SYT11: variants seen among roughly 807,000 people sequenced by gnomAD.
SYT11 encodes the protein synaptotagmin 11, also known as synaptotagmin-11.
A neutral mutation model predicts 30.4 loss-of-function variants in SYT11; 12 were observed. That is an observed-to-expected ratio of 0.39 (90% CI 0.25 to 0.64). The LOEUF is 0.64. SYT11 is among the 30% of genes least tolerant of loss of function. The pLI is 0.45. For missense variants in SYT11, 412 were observed against 552.0 expected, an observed-to-expected ratio of 0.75 and a Z score of 2.54; for synonymous variants, 204 against 216.0, an observed-to-expected ratio of 0.94 and a Z score of 0.49.
chr1:155,863,413 A>G (rs537549953), intron 1 of SYT11, among the ~76,000 whole-genome samples: 1 of 152,014 alleles, frequency 6.6e-6, no homozygotes, highest in South Asian at 2.1e-4. Context: ...TGATTGCACC[A>G]CTGCACTCCA....
intron 2 of SYT11, among the ~76,000 whole-genome samples, chr1:155,870,551 T>C (rs1176629587): frequency 6.6e-6 from 1 of 152,212 alleles, no homozygotes; most frequent in Non-Finnish European, 1.5e-5. Flanking sequence ...CAGAAAGAGC[T>C]CTGCCTGTGG....
At position 155,884,865 on chromosome 1, in the gene SYT11, CA is replaced by C. The variant is rs1260300790; in HGVS notation, c.*3358del. Reference sequence around the variant, plus strand: ...AAACAGATAGAACTGGTTTGTGGGACAGGGGCAGCTTGCTCAGGAGAGGGAA... The same window carrying C: ...AAACAGATAGAACTGGTTTGTGGGACGGGGCAGCTTGCTCAGGAGAGGGAA... On this transcript the variant is annotated 3_prime_UTR_variant, in exon 4 of 4. Transcript: ENST00000368324. 2 of 152,718 alleles carry C rather than the reference CA, an allele frequency of 1.3e-5. No homozygotes were observed. Among genetic ancestry groups the C allele is most frequent in the Non-Finnish European group, 2.9e-5 (2 of 68,042 alleles). The allele number at this position is 152,718 out of a possible 1,614,324, so 9.5% of individuals were successfully genotyped here.
intron 1 of SYT11, among the ~76,000 whole-genome samples, chr1:155,861,845 C>A (rs991169932): frequency 6.6e-5 from 10 of 152,108 alleles, no homozygotes; most frequent in Non-Finnish European, 1.5e-5. Context: ...CTTGAACTCC[C>A]GACCTCAGGT....
chr1:155,867,165 C>A (rs1240341494), intron 1 of SYT11, among the ~76,000 whole-genome samples: 1 of 151,800 alleles, frequency 6.6e-6, no homozygotes, highest in Non-Finnish European at 1.5e-5. Flanking sequence ...TCAAGCGATT[C>A]TCCTGCATCA....
rs1355633081 is a variant in SYT11, at chr1:155,881,291, A to T, written c.1079A>T (p.Asn360Ile). 6.2e-7 allele frequency: 1 copy of T among 1,614,082 alleles called. No homozygotes were observed. The highest frequency in any genetic ancestry group is 8.5e-7 in the Non-Finnish European group (1 of 1,180,032). ...VKKCTLNPIF[N>I]ESFIYDIPTD... ...AAGTGCACTTTGAACCCCATCTTCA[A>T]TGAATCTTTCATCTACGACATCCCC... The change falls in exon 4 of 4, where the codon AAT (asparagine) becomes ATT (isoleucine). Residue 360 changes from asparagine to isoleucine, a missense_variant. By Grantham distance (149) the Asn-to-Ile change is moderately radical. Transcript: ENST00000368324.
At chr1:155,869,187 A>G (rs1420614837) in intron 2 of SYT11, among the ~76,000 whole-genome samples, 1 of 152,050 alleles carries the variant, frequency 6.6e-6, no homozygotes. Context: ...AAGCTATGAC[A>G]ATAATTCAGT....
Position 155,860,151 on chromosome 1 carries a change from C to A in SYT11, c.34+356C>A, listed in dbSNP as rs929532363. Among the ~76,000 whole-genome samples, 1 of 152,250 alleles carries A rather than the reference C, an allele frequency of 6.6e-6. No individual in the cohort carries two copies. The highest frequency in any genetic ancestry group is 1.5e-5 in the Non-Finnish European group (1 of 68,040). On this transcript the variant is annotated intron_variant, in intron 1 of 3. Transcript: ENST00000368324. The surrounding 1 kb of genome is among the most constrained non-coding windows in gnomAD (Gnocchi z 4.1). The stretch of plus-strand genomic sequence containing the variant: ...GAGGTGGGGTAGGCCAAGCCCTCCC[C>A]CTTGGGGCACACAGGGCGGTGCCCC...
At chr1:155,869,361 C>T (rs1672746905) in intron 2 of SYT11, among the ~76,000 whole-genome samples, 1 of 150,808 alleles carries the variant, frequency 6.6e-6, no homozygotes, top group Non-Finnish European at 1.5e-5. Context: ...ACCCCCACCG[C>T]CCAGGTTCAA....
chr1:155,863,185 G>A (rs1672619056), intron 1 of SYT11, among the ~76,000 whole-genome samples: 1 of 152,144 alleles, frequency 6.6e-6, no homozygotes, highest in Admixed American at 6.6e-5. Flanking sequence ...CCCGGGTACA[G>A]TGGGTCGTGC....
In SYT11 at chr1:155,882,478, A is replaced by T. The variant is rs1207522706; in HGVS notation, c.*970A>T. ...TGAGAAATGGGGTATTTTTGCTATC[A>T]GCTCTTCTGCTATGAAGTAGTAAAA... On this transcript the variant is annotated 3_prime_UTR_variant, in exon 4 of 4. Transcript: ENST00000368324. The T allele has an allele frequency of 6.6e-6, 1 of 152,358 alleles. No individual in the cohort carries two copies. Among genetic ancestry groups the T allele is most frequent in the Non-Finnish European group, 1.5e-5 (1 of 68,048 alleles). The allele number at this position is 152,358 out of a possible 1,614,324, so 9.4% of individuals were successfully genotyped here. A position where few individuals can be genotyped will look rare whatever the true frequency, so the allele number is the denominator to read the frequency against.
chr1:155,867,248 G>A (rs946028385), intron 1 of SYT11, among the ~76,000 whole-genome samples: 6 of 151,848 alleles, frequency 4.0e-5, no homozygotes, highest in African/African-American at 4.8e-5. Flanking sequence ...TAGTAGAGAC[G>A]GGGTTTCACC....
intron 1 of SYT11, among the ~76,000 whole-genome samples, chr1:155,866,594 T>C (rs1025963097): frequency 3.3e-5 from 5 of 152,174 alleles, no homozygotes; most frequent in Non-Finnish European, 5.9e-5. Flanking sequence ...TTCTTACATA[T>C]TTGTGTATGT....
At chr1:155,869,477 A>G (rs1672748736) in intron 2 of SYT11, among the ~76,000 whole-genome samples, 1 of 151,952 alleles carries the variant, frequency 6.6e-6, no homozygotes, top group African/African-American at 2.4e-5. Context: ...TCACCATGTT[A>G]GCCTGGCTAG....
At chr1:155,867,257 C>T (rs1008176127) in intron 1 of SYT11, among the ~76,000 whole-genome samples, 2 of 152,090 alleles carry the variant, frequency 1.3e-5, no homozygotes, top group African/African-American at 2.4e-5. Flanking sequence ...CGGGGTTTCA[C>T]CATGTTGGTC....
chr1:155,880,332 CCTT>C (rs1672940071), intron 2 of SYT11, among the ~76,000 whole-genome samples, 165 bp from the exon 3 acceptor site: 1 of 152,198 alleles, frequency 6.6e-6, no homozygotes, highest in Non-Finnish European at 1.5e-5. Context: ...CTTTCTCCCT[CCTT>C]GTTAAATAAA....
chr1:155,864,116 T>C (rs2102554406), intron 1 of SYT11, among the ~76,000 whole-genome samples: 1 of 152,032 alleles, frequency 6.6e-6, no homozygotes, highest in South Asian at 2.1e-4. Flanking sequence ...CCAGGTGTGA[T>C]GGCATGTGCC....
rs1340954230 is a variant in SYT11, at chr1:155,860,886, A to AATT, written c.34+1092_34+1094dup. 1.3e-5 allele frequency among the ~76,000 whole-genome samples: 2 copies of AATT among 152,146 alleles called. No individual in the cohort carries two copies. Among genetic ancestry groups the AATT allele is most frequent in the Non-Finnish European group, 2.9e-5 (2 of 68,018 alleles). Reference sequence around the variant, plus strand: ...TTTCCTGATCAAATAAATAAAATATAATTGCCCTGCTTCTCCTTGATTCAG... The same window carrying AATT: ...TTTCCTGATCAAATAAATAAAATATAATTATTGCCCTGCTTCTCCTTGATTCAG... On this transcript the variant is annotated intron_variant, in intron 1 of 3. Coordinates refer to ENST00000368324, the MANE Select transcript of SYT11 (RefSeq NM_152280.5). The surrounding 1 kb of genome is among the most constrained non-coding windows in gnomAD (Gnocchi z 4.1).
chr1:155,867,497 C>G (rs77981331), intron 1 of SYT11, among the ~76,000 whole-genome samples: 93 of 152,292 alleles, frequency 6.1e-4, no homozygotes, highest in South Asian at 2.9e-3. Flanking sequence ...ATCTCCACAC[C>G]CTTCCACCCT....
At chr1:155,873,610 G>A (rs912227958) in intron 2 of SYT11, among the ~76,000 whole-genome samples, 2 of 152,154 alleles carry the variant, frequency 1.3e-5, no homozygotes, top group Non-Finnish European at 2.9e-5. Flanking sequence ...GACGGGAGCA[G>A]TAGCCAAAAC....
Sources: allele counts gnomAD v4.1 joint callset (sites outside exome capture counted in the v4.1 genomes callset), GRCh38; gene constraint gnomAD v4.1.1; non-coding constraint Gnocchi (gnomAD v3.1); transcripts MANE v1.5; gene names NCBI Gene and HGNC (gene_info 2026-07-23, HGNC 2026-07-21).